The following IGF1R variants were observed in gnomAD, a reference collection of about 807,000 sequenced individuals.
The protein encoded by IGF1R is insulin-like growth factor 1 receptor.
Under a neutral mutation model 144.6 loss-of-function variants are expected in IGF1R, and 44 were observed. The observed-to-expected ratio is 0.30, with a 90% confidence interval of 0.24 to 0.39. The LOEUF (loss-of-function observed/expected upper bound fraction) is 0.39, where lower values mean the gene tolerates loss of function less well. Ranked by LOEUF, IGF1R falls within the 10% of genes least tolerant of loss-of-function variation. IGF1R has a pLI of 1.00. For synonymous variants in IGF1R, 795 were observed against 722.8 expected, an observed-to-expected ratio of 1.10 and a Z score of -1.60; for missense variants, 1,355 against 1,833.7, an observed-to-expected ratio of 0.74 and a Z score of 4.77.
chr15:98,839,986 T>TA (rs1243574848), intron 2 of IGF1R, among the ~76,000 whole-genome samples: 2 of 152,272 alleles, frequency 1.3e-5, no homozygotes, highest in Non-Finnish European at 2.9e-5. Context: ...CCATGTTATT[T>TA]ATCATGGGAT....
chr15:98,901,950 G>C (rs1455659714), intron 5 of IGF1R, among the ~76,000 whole-genome samples: 1 of 152,210 alleles, frequency 6.6e-6, no homozygotes, highest in Non-Finnish European at 1.5e-5. Context: ...TTGCACGCAG[G>C]TATAAAGGGT....
rs2151701677 is a variant in IGF1R, at chr15:98,929,646, C to G, written c.2871C>G (p.Val957=). 1.9e-6 allele frequency: 3 copies of G among 1,612,832 alleles called. No homozygotes were observed. The highest frequency in any genetic ancestry group is 2.5e-6 in the Non-Finnish European group (3 of 1,178,814). Reference sequence around the variant, plus strand: ...GAGGGTTGGTGATTATGCTGTACGTCTTCCATAGAAAGAGGTCAGTGATGT... The same window carrying G: ...GAGGGTTGGTGATTATGCTGTACGTGTTCCATAGAAAGAGGTCAGTGATGT... ...IVGGLVIMLY[V]FHRKRNNSRL... is the part of the protein sequence containing the mutation. Residue 957 remains valine (V), a synonymous_variant, in exon 14 of 21, where the codon GTC becomes GTG. Coordinates refer to ENST00000650285, the MANE Select transcript of IGF1R (RefSeq NM_000875.5).
chr15:98,899,385 G>T (rs147197462), intron 4 of IGF1R, 92 bp from the exon 5 acceptor site: 1 of 1,353,934 alleles, frequency 7.4e-7, no homozygotes, highest in African/African-American at 1.4e-5. Context: ...GGCACCTGCC[G>T]TTGAATTGTT....
At chr15:98,933,812 C>G (rs2151706604) in intron 15 of IGF1R, among the ~76,000 whole-genome samples, 1 of 152,230 alleles carries the variant, frequency 6.6e-6, no homozygotes, top group East Asian at 1.9e-4. Flanking sequence ...AATTGCCTGT[C>G]CACGCTGGGC....
intron 5 of IGF1R, among the ~76,000 whole-genome samples, chr15:98,903,826 A>G (rs1422994091): frequency 6.6e-6 from 1 of 152,232 alleles, no homozygotes; most frequent in Non-Finnish European, 1.5e-5. Context: ...AAAAATCCAG[A>G]CACAAAAGAC....
At chr15:98,850,476 G>A (rs1185449578) in intron 2 of IGF1R, among the ~76,000 whole-genome samples, 9 of 152,192 alleles carry the variant, frequency 5.9e-5, no homozygotes, top group Admixed American at 5.9e-4. Flanking sequence ...GGTTCTTCCA[G>A]CAAACCATGC....
chr15:98,876,966 T>C (rs1036880450), intron 2 of IGF1R, among the ~76,000 whole-genome samples: 12 of 152,096 alleles, frequency 7.9e-5, no homozygotes, highest in African/African-American at 2.7e-4. Context: ...TGGAAAAGAG[T>C]AGTGTAGCAT....
chr15:98,889,573 T>C lies in IGF1R; in HGVS notation c.641-1752T>C, dbSNP rs376476982. ...AATGGAGTGTAATACTGCTGTTAAA[T>C]GTTTGTGGAATTCACAATCTTTTAT... On this transcript the variant is annotated intron_variant, in intron 2 of 20. Coordinates refer to ENST00000650285, the MANE Select transcript of IGF1R (RefSeq NM_000875.5). 1.7e-4 allele frequency among the ~76,000 whole-genome samples: 26 copies of C among 152,376 alleles called. 1 individual carries two copies. Among genetic ancestry groups the C allele is most frequent in the African/African-American group, 6.3e-4 (26 of 41,592 alleles).
chr15:98,779,478 C>G (rs2055801574), intron 2 of IGF1R, among the ~76,000 whole-genome samples: 2 of 152,332 alleles, frequency 1.3e-5, no homozygotes, highest in South Asian at 4.1e-4. Context: ...GTAAGTACTG[C>G]TATTCCCACC....
intron 5 of IGF1R, among the ~76,000 whole-genome samples, chr15:98,901,315 C>G (rs770596562): frequency 6.6e-6 from 1 of 152,198 alleles, no homozygotes; most frequent in Admixed American, 6.5e-5. Flanking sequence ...GATGCTGGCT[C>G]CAGCCTTTCA....
intron 2 of IGF1R, among the ~76,000 whole-genome samples, chr15:98,809,598 TC>T (rs2056542074): frequency 6.6e-6 from 1 of 152,184 alleles, no homozygotes; most frequent in South Asian, 2.1e-4. Flanking sequence ...AGATTATAAA[TC>T]CTGTGTAAAT....
At chr15:98,767,657 G>C (rs776538476) in intron 2 of IGF1R, among the ~76,000 whole-genome samples, 8 of 152,192 alleles carry the variant, frequency 5.3e-5, no homozygotes, top group Admixed American at 2.6e-4. Context: ...TGAAACGGTA[G>C]AATTAATGTA....
At chr15:98,940,727 G>C (rs1426092397) in intron 18 of IGF1R, among the ~76,000 whole-genome samples, 1 of 152,202 alleles carries the variant, frequency 6.6e-6, no homozygotes, top group Non-Finnish European at 1.5e-5. Context: ...TAAAGTAGGG[G>C]TGAGTGTCTT....
At chr15:98,682,364 T>C (rs2053212407) in intron 1 of IGF1R, among the ~76,000 whole-genome samples, 1 of 152,118 alleles carries the variant, frequency 6.6e-6, no homozygotes, top group Middle Eastern at 3.2e-3. Context: ...AGACCGACCT[T>C]CACATTGAAG....
intron 2 of IGF1R, among the ~76,000 whole-genome samples, chr15:98,870,586 C>G (rs990751233): frequency 1.3e-5 from 2 of 152,084 alleles, no homozygotes; most frequent in African/African-American, 4.8e-5. Flanking sequence ...GGAGCAGGGG[C>G]TAGGAGAGAA....
At chr15:98,670,870 G>T (rs1021429664) in intron 1 of IGF1R, among the ~76,000 whole-genome samples, 14 of 152,078 alleles carry the variant, frequency 9.2e-5, no homozygotes, top group Non-Finnish European at 1.8e-4. Context: ...CACATGACCT[G>T]CCGGTAGAAT....
At chr15:98,909,172 C>T (rs1194554208) in intron 6 of IGF1R, among the ~76,000 whole-genome samples, 1 of 152,052 alleles carries the variant, frequency 6.6e-6, no homozygotes, top group Non-Finnish European at 1.5e-5. Context: ...GTGCTGCTTA[C>T]AGAATGCACA....
intron 1 of IGF1R, among the ~76,000 whole-genome samples, chr15:98,680,821 C>T (rs2053168009): frequency 6.7e-6 from 1 of 149,744 alleles, no homozygotes; most frequent in Non-Finnish European, 1.5e-5. Context: ...AGTGCTTGGC[C>T]TCTGAAGTGC....
intron 2 of IGF1R, among the ~76,000 whole-genome samples, chr15:98,883,465 C>G (rs1452114365): frequency 6.6e-6 from 1 of 152,220 alleles, no homozygotes; most frequent in Non-Finnish European, 1.5e-5. Context: ...ACCTAGCAGA[C>G]TTGTTTAAAG....
Sources: gnomAD v4.1 joint callset for allele counts (sites outside exome capture counted in the v4.1 genomes callset) on GRCh38, gnomAD v4.1.1 for gene constraint, MANE v1.5 for transcripts, NCBI Gene and HGNC (gene_info 2026-07-23, HGNC 2026-07-21) for gene names.